WDR1: variants seen among roughly 807,000 people sequenced by gnomAD.
The protein encoded by WDR1 is WD repeat-containing protein 1.
In WDR1, 21 loss-of-function variants were observed where a neutral mutation model predicts 71.9. The ratio of observed to expected loss-of-function variants is 0.29; its 90% confidence interval spans 0.21 to 0.42. The LOEUF (loss-of-function observed/expected upper bound fraction) is 0.42. Among genes scored for constraint, WDR1 ranks in the 10% least tolerant of loss-of-function variants. The probability of loss-of-function intolerance (pLI) is 1.00; values close to 1 mark genes in which losing one functional copy is unlikely to be tolerated. For missense variants in WDR1, 696 were observed against 824.5 expected (o/e 0.84, Z 1.91); for synonymous variants, 424 against 347.4 (o/e 1.22, Z -2.45).
intron 5 of WDR1, among the ~76,000 whole-genome samples, chr4:10,093,956 C>T (rs370706770): frequency 6.6e-5 from 10 of 152,346 alleles, no homozygotes; most frequent in South Asian, 4.1e-4. Flanking sequence ...GCAGCACTTC[C>T]GGTAACAGCC....
At chr4:10,095,923 C>G (rs1240877351) in intron 5 of WDR1, 1 of 152,366 alleles carries the variant, frequency 6.6e-6, no homozygotes, top group African/African-American at 2.4e-5. Context: ...CAAAAGACTT[C>G]AAGACACATG....
intron 3 of WDR1, 108 bp downstream of exon 3, chr4:10,103,788 C>A: frequency 3.1e-6 from 1 of 319,668 alleles, no homozygotes; most frequent in Non-Finnish European, 5.9e-6. Flanking sequence ...CCCCACCCCC[C>A]ACCTCCCTCC....
Position 10,075,275 on chromosome 4 carries a change from T to TG in WDR1, c.*102dup. ...GGCCCTCCTGCCTCTTGTGGTGGGGTGGGGGCATGGGGGCGCGTCACAGAA... is the reference window on the plus strand; with the variant it reads ...GGCCCTCCTGCCTCTTGTGGTGGGGTGGGGGGCATGGGGGCGCGTCACAGAA... On this transcript the variant is annotated 3_prime_UTR_variant, in exon 15 of 15. Transcript: ENST00000499869. 1 of 955,094 alleles carries TG rather than the reference T, an allele frequency of 1.0e-6. No individual in the cohort carries two copies. The highest frequency in any genetic ancestry group is 1.6e-6 in the Non-Finnish European group (1 of 620,962). 59.2% of individuals were successfully genotyped at this position (955,094 alleles called of 1,614,324 possible).
At chr4:10,116,628 G>A in intron 1 of WDR1, 23 bp downstream of exon 1, 2 of 1,235,540 alleles carry the variant, frequency 1.6e-6, no homozygotes, top group Admixed American at 4.1e-5. Flanking sequence ...GGCCGCTCGG[G>A]GGCCCCGCGC....
rs906473619 is a variant in WDR1 at position 10,097,459 on chromosome 4, G to A, written c.558+252C>T. Among the ~76,000 whole-genome samples the A allele has an allele frequency of 2.6e-5, 4 of 152,196 alleles. No individual in the cohort carries two copies. The South Asian group carries it at 8.3e-4, about 31-fold the overall frequency. On this transcript the variant is annotated intron_variant, in intron 5 of 14. Coordinates refer to ENST00000499869, the MANE Select transcript of WDR1 (RefSeq NM_017491.5). The stretch of plus-strand genomic sequence containing the variant: ...CAGGGACATTCCTGCCCCAATCCCC[G>A]ACAGGCACACATCATCCTAGGGCAG...
chr4:10,101,295 G>C (rs763741964), intron 3 of WDR1, among the ~76,000 whole-genome samples: 1 of 152,260 alleles, frequency 6.6e-6, no homozygotes, highest in Non-Finnish European at 1.5e-5. Flanking sequence ...TCATGAACCA[G>C]TCAGACTGAC....
At chr4:10,093,668 C>T (rs1332682694) in intron 5 of WDR1, among the ~76,000 whole-genome samples, 2 of 152,214 alleles carry the variant, frequency 1.3e-5, no homozygotes, top group Admixed American at 6.5e-5. Context: ...GTGACCTGGG[C>T]CAGGTCACCC....
chr4:10,103,289 GAC>G (rs5856034), intron 3 of WDR1, among the ~76,000 whole-genome samples: 13,205 of 146,792 alleles, frequency 0.09, 695 homozygotes, highest in Middle Eastern at 0.14. Flanking sequence ...CACACACACA[GAC>G]ACACACACAC....
chr4:10,085,217 C>A (rs1765166210), intron 8 of WDR1, among the ~76,000 whole-genome samples: 1 of 152,192 alleles, frequency 6.6e-6, no homozygotes, highest in African/African-American at 2.4e-5. Flanking sequence ...CTTTCTCCTG[C>A]AAAGGGAGGC....
intron 2 of WDR1, among the ~76,000 whole-genome samples, chr4:10,111,935 G>GT (rs1303523413): frequency 6.6e-6 from 1 of 152,058 alleles, no homozygotes; most frequent in African/African-American, 2.4e-5. Flanking sequence ...TTCCAAATGT[G>GT]TATTTTAGTT....
intron 8 of WDR1, among the ~76,000 whole-genome samples, chr4:10,084,780 C>T (rs1270336394): frequency 1.3e-5 from 2 of 152,226 alleles, no homozygotes; most frequent in Non-Finnish European, 2.9e-5. Context: ...TCCAAGGTAC[C>T]TAACCCAGAC....
At chr4:10,089,183 A>G (rs1711801242) in intron 5 of WDR1, among the ~76,000 whole-genome samples, 1 of 152,176 alleles carries the variant, frequency 6.6e-6, no homozygotes, top group Non-Finnish European at 1.5e-5. Flanking sequence ...ATCTCTGCTC[A>G]CTACAAGCTC....
At chr4:10,099,663 G>GC (rs1370650618) in intron 3 of WDR1, among the ~76,000 whole-genome samples, 2 of 152,274 alleles carry the variant, frequency 1.3e-5, no homozygotes, top group Admixed American at 6.5e-5. Context: ...GCTGCCCACT[G>GC]CGATGCCTCA....
Position 10,075,636 on chromosome 4 carries a change from G to A in WDR1, c.1715-152C>T, listed in dbSNP as rs899967354. On this transcript the variant is annotated intron_variant, in intron 14 of 14. Coordinates refer to ENST00000499869, the MANE Select transcript of WDR1 (RefSeq NM_017491.5). ...TTGTAACTCAGGAGCCTGGCACGGT[G>A]GCAGTGTGGCTGAATTCTCCACGTG... is the stretch of plus-strand genomic sequence containing the variant. 3.1e-5 allele frequency: 22 copies of A among 698,472 alleles called. No homozygotes were observed. The Admixed American group carries it at 4.4e-4, about 14-fold the overall frequency. The allele number at this position is 698,472 out of a possible 1,614,324, so 43.3% of individuals were successfully genotyped here.
chr4:10,116,634 C>G lies in WDR1; in HGVS notation c.16+17G>C, dbSNP rs1378215615. On this transcript the variant is annotated intron_variant, in intron 1 of 14. Transcript: ENST00000499869. ...CAGCGCGGCGGCCGCTCGGGGGCCCCGCGCCGCGGCACTTACTGATCTCGT... is the reference window on the plus strand; with the variant it reads ...CAGCGCGGCGGCCGCTCGGGGGCCCGGCGCCGCGGCACTTACTGATCTCGT... 8.0e-7 allele frequency: 1 copy of G among 1,247,304 alleles called. No homozygotes were observed. Among genetic ancestry groups the G allele is most frequent in the Non-Finnish European group, 1.0e-6 (1 of 992,812 alleles). The allele number at this position is 1,247,304 out of a possible 1,614,324, so 77.3% of individuals were successfully genotyped here.
At chr4:10,079,698 C>T (rs1764941971) in intron 11 of WDR1, among the ~76,000 whole-genome samples, 1 of 152,194 alleles carries the variant, frequency 6.6e-6, no homozygotes, top group Non-Finnish European at 1.5e-5. Flanking sequence ...CCTACCCAAG[C>T]CACCAGCTGT....
At chr4:10,115,931 G>C (rs1296560821) in intron 2 of WDR1, 182 bp downstream of exon 2, 2 of 727,266 alleles carry the variant, frequency 2.8e-6, no homozygotes, top group African/African-American at 1.8e-5. Context: ...GAGCAGACAA[G>C]GACCTGGGTG....
chr4:10,111,303 G>A (rs1053041761), intron 2 of WDR1, among the ~76,000 whole-genome samples: 7 of 152,120 alleles, frequency 4.6e-5, no homozygotes, highest in East Asian at 1.9e-4. Flanking sequence ...ATAAGCACCC[G>A]GCCCTTCGGT....
rs762708052 is a variant in WDR1 at position 10,116,283 on chromosome 4, G to GC, written c.17-50dup. On this transcript the variant is annotated intron_variant, in intron 1 of 14. Transcript: ENST00000499869. ...GGCATGTCAGGGCAGGGCGGGGACG[G>GC]CGGGGACAGAAGGGAGAAGGAGCCC... 3 of 1,610,974 alleles carry GC rather than the reference G, an allele frequency of 1.9e-6. No homozygotes were observed. In the African/African-American group the frequency reaches 4.0e-5, roughly 21 times the overall value.
Sources: allele counts gnomAD v4.1 joint callset (sites outside exome capture counted in the v4.1 genomes callset), GRCh38; gene constraint gnomAD v4.1.1; transcripts MANE v1.5; gene names NCBI Gene and HGNC (gene_info 2026-07-23, HGNC 2026-07-21).